The following LSAMP variants were observed in gnomAD, a reference collection of about 807,000 sequenced individuals.
LSAMP encodes limbic system-associated membrane protein.
In LSAMP, 7 loss-of-function variants were observed where a neutral mutation model predicts 38.6. The observed-to-expected ratio is 0.18, with a 90% CI of 0.10 to 0.34. The LOEUF (loss-of-function observed/expected upper bound fraction) is 0.34. Ranked by LOEUF, LSAMP falls within the 10% of genes least tolerant of loss-of-function variation. The pLI is 1.00. For synonymous variants in LSAMP, 154 were observed against 166.8 expected (o/e 0.92, Z 0.59); for missense variants, 313 against 420.0 (o/e 0.75, Z 2.23).
chr3:115,842,125 T>G lies in LSAMP; in HGVS notation c.771-132A>C, dbSNP rs11919042. On this transcript the variant is annotated intron_variant, in intron 5 of 6. Coordinates refer to ENST00000490035, the MANE Select transcript of LSAMP (RefSeq NM_002338.5). The stretch of plus-strand genomic sequence containing the variant: ...CTAGAGTTTGTTGTTCCATGCCCAA[T>G]TCCTATTTTAACTGTGCAATGCCAT... 11,341 of 910,374 alleles carry G rather than the reference T, an allele frequency of 0.012. 827 individuals carry two copies. The African/African-American group carries it at 0.16, about 13-fold the overall frequency. 56.4% of individuals were successfully genotyped at this position (910,374 alleles called of 1,614,324 possible). A position where few individuals can be genotyped will look rare whatever the true frequency, so the allele number is the denominator to read the frequency against.
At chr3:115,875,665 G>A (rs750638885) in intron 3 of LSAMP, among the ~76,000 whole-genome samples, 3 of 151,956 alleles carry the variant, frequency 2.0e-5, no homozygotes, top group African/African-American at 4.8e-5. Context: ...GGCAAAGCTC[G>A]CTAGATTAGG....
chr3:116,043,455 T>C (rs1339074118), intron 2 of LSAMP, among the ~76,000 whole-genome samples: 2 of 152,158 alleles, frequency 1.3e-5, no homozygotes, highest in Non-Finnish European at 2.9e-5. Flanking sequence ...AGTATCTACC[T>C]AACTCAGAGC....
intron 1 of LSAMP, among the ~76,000 whole-genome samples, chr3:116,424,551 G>A (rs1023817796): frequency 1.3e-5 from 2 of 152,102 alleles, no homozygotes; most frequent in African/African-American, 4.8e-5. Context: ...GGCAGTACAT[G>A]GATAAAAAGT....
chr3:116,186,578 G>C (rs1406924819), intron 1 of LSAMP, among the ~76,000 whole-genome samples: 1 of 152,030 alleles, frequency 6.6e-6, no homozygotes, highest in Non-Finnish European at 1.5e-5. Context: ...CATCACACTG[G>C]CACCATTAGG....
At chr3:116,385,036 A>C (rs1252349877) in intron 1 of LSAMP, among the ~76,000 whole-genome samples, 2 of 151,932 alleles carry the variant, frequency 1.3e-5, no homozygotes, top group Non-Finnish European at 2.9e-5. Flanking sequence ...TAAGTTACTG[A>C]GCTTCACTCA....
chr3:116,140,068 T>G (rs550404269), intron 1 of LSAMP, among the ~76,000 whole-genome samples: 1 of 152,152 alleles, frequency 6.6e-6, no homozygotes, highest in African/African-American at 2.4e-5. Context: ...CCCTGAACAC[T>G]AGGTTAGACC....
intron 1 of LSAMP, among the ~76,000 whole-genome samples, chr3:116,413,443 C>A (rs917194006): frequency 2.0e-5 from 3 of 151,868 alleles, no homozygotes; most frequent in African/African-American, 7.3e-5. Context: ...CTATATAATC[C>A]TTAAAATATT....
intron 1 of LSAMP, among the ~76,000 whole-genome samples, chr3:116,090,607 C>T (rs952124420): frequency 6.6e-6 from 1 of 152,180 alleles, no homozygotes; most frequent in East Asian, 1.9e-4. Flanking sequence ...CGGAAAATCA[C>T]GTAGGTTCTT....
intron 1 of LSAMP, among the ~76,000 whole-genome samples, chr3:116,237,530 G>A (rs759660434): frequency 6.6e-6 from 1 of 152,234 alleles, no homozygotes; most frequent in South Asian, 2.1e-4. Flanking sequence ...TAAGCTTCAT[G>A]CATATCTGCT....
chr3:115,924,414 A>T (rs998193755), intron 3 of LSAMP, among the ~76,000 whole-genome samples: 1 of 152,128 alleles, frequency 6.6e-6, no homozygotes, highest in African/African-American at 2.4e-5. Flanking sequence ...GACTTATTTT[A>T]TAGGCCTCTA....
At chr3:116,348,832 C>T (rs996340985) in intron 1 of LSAMP, among the ~76,000 whole-genome samples, 2 of 152,084 alleles carry the variant, frequency 1.3e-5, no homozygotes, top group African/African-American at 2.4e-5. Context: ...TTATTGGTGA[C>T]ACTCTTATTT....
chr3:116,399,570 G>A (rs1052455621), intron 1 of LSAMP, among the ~76,000 whole-genome samples: 1 of 152,184 alleles, frequency 6.6e-6, no homozygotes, highest in African/African-American at 2.4e-5. Flanking sequence ...GGGCAATATA[G>A]AGAAATTTCT....
chr3:116,040,665 T>C (rs1439852118), intron 2 of LSAMP, among the ~76,000 whole-genome samples: 3 of 152,246 alleles, frequency 2.0e-5, no homozygotes, highest in African/African-American at 7.2e-5. Flanking sequence ...TAGGTGGCCA[T>C]GGAGGAGTCT....
chr3:116,190,375 GAT>G (rs1710728134), intron 1 of LSAMP, among the ~76,000 whole-genome samples: 1 of 152,032 alleles, frequency 6.6e-6, no homozygotes, highest in Non-Finnish European at 1.5e-5. Flanking sequence ...TGAGAAAAGT[GAT>G]AGAGTGCTAC....
At chr3:116,293,228 C>T (rs1476787850) in intron 1 of LSAMP, among the ~76,000 whole-genome samples, 1 of 152,104 alleles carries the variant, frequency 6.6e-6, no homozygotes, top group Admixed American at 6.5e-5. Flanking sequence ...TGTATTCACA[C>T]CAGGGAACTT....
Position 116,060,576 on chromosome 3 carries a change from C to T in LSAMP, c.388+25748G>A, listed in dbSNP as rs574363077. Among the ~76,000 whole-genome samples the T allele has an allele frequency of 6.6e-5, 10 of 152,290 alleles. No individual in the cohort carries two copies. The East Asian group carries it at 1.9e-3, about 29-fold the overall frequency. On this transcript the variant is annotated intron_variant, in intron 2 of 6. Transcript: ENST00000490035. ...GGGAGTTCGAGACCAGCCTGACCAA[C>T]ATGGAGAAACCCCATCTCTACTAAA...
chr3:115,912,818 T>G (rs550299228), intron 3 of LSAMP, among the ~76,000 whole-genome samples: 2 of 152,184 alleles, frequency 1.3e-5, no homozygotes, highest in Non-Finnish European at 2.9e-5. Context: ...CATTGGCATT[T>G]TCAGATTGCT....
chr3:115,988,693 T>C (rs1426405196), intron 3 of LSAMP, among the ~76,000 whole-genome samples: 1 of 152,092 alleles, frequency 6.6e-6, no homozygotes, highest in African/African-American at 2.4e-5. Flanking sequence ...TTTAAACACA[T>C]ATTTACTTCT....
rs141281767 is a variant in LSAMP, at chr3:115,901,089, A to G, written c.515-48472T>C. Among the ~76,000 whole-genome samples the G allele has an allele frequency of 1.9e-3, 283 of 152,230 alleles. 2 individuals carry two copies. The highest frequency in any genetic ancestry group is 3.4e-3 in the Non-Finnish European group (232 of 68,016). On this transcript the variant is annotated intron_variant, in intron 3 of 6. Transcript: ENST00000490035. ...CTATACATGCTGAGTAAGAGAAGGT[A>G]AAGCAGTAGGAGCATGCTTATGGAT...
Sources: allele counts gnomAD v4.1 joint callset (sites outside exome capture counted in the v4.1 genomes callset), GRCh38; gene constraint gnomAD v4.1.1; transcripts MANE v1.5; gene names NCBI Gene and HGNC (gene_info 2026-07-23, HGNC 2026-07-21).